UST: variants seen among roughly 807,000 people sequenced by gnomAD.
UST encodes uronyl 2-sulfotransferase, also known as chondroitin sulfate 2-O-sulfotransferase.
In UST, 21 loss-of-function variants were observed where a neutral mutation model predicts 45.6. The observed-to-expected ratio is 0.46, with a 90% CI of 0.33 to 0.66. The LOEUF (loss-of-function observed/expected upper bound fraction) is 0.66, where lower values mean the gene tolerates loss of function less well. Ranked by LOEUF, UST falls within the 30% of genes least tolerant of loss-of-function variation. The pLI, the probability that UST is intolerant of heterozygous loss-of-function variation, is 0.02. For missense variants in UST, 463 were observed against 512.4 expected, an observed-to-expected ratio of 0.90 and a Z score of 0.93; for synonymous variants, 215 against 200.6, an observed-to-expected ratio of 1.07 and a Z score of -0.61.
Position 148,998,377 on chromosome 6 carries a change from A to G in UST, c.682-20762A>G, listed in dbSNP as rs546533665. On this transcript the variant is annotated intron_variant, in intron 5 of 7. Transcript: ENST00000367463. ...GGTGAAATGAACAGATTTGAGGTGAATGATTCTTTTGTCTCCACCTCATAA... is the reference window on the plus strand; with the variant it reads ...GGTGAAATGAACAGATTTGAGGTGAGTGATTCTTTTGTCTCCACCTCATAA... Among the ~76,000 whole-genome samples the G allele has an allele frequency of 3.3e-5, 5 of 152,332 alleles. No individual in the cohort carries two copies. The South Asian group carries it at 1.0e-3, about 32-fold the overall frequency.
At chr6:148,976,763 T>G (rs563723485) in intron 5 of UST, among the ~76,000 whole-genome samples, 2 of 152,368 alleles carry the variant, frequency 1.3e-5, no homozygotes, top group South Asian at 2.1e-4. Context: ...TACAGAAATT[T>G]GCCCACTATT....
At chr6:148,992,060 T>C (rs534924354) in intron 5 of UST, among the ~76,000 whole-genome samples, 24 of 152,328 alleles carry the variant, frequency 1.6e-4, no homozygotes, top group African/African-American at 5.8e-4. Context: ...GTGGAACAGT[T>C]TGGTCCACCG....
At chr6:149,030,790 G>A (rs1052034253) in intron 7 of UST, among the ~76,000 whole-genome samples, 8 of 151,916 alleles carry the variant, frequency 5.3e-5, no homozygotes, top group African/African-American at 9.7e-5. Context: ...AAGCCAGTAC[G>A]AGGCAATACA....
rs1449671281 is a variant in UST at position 149,076,684 on chromosome 6, T to A, written c.*2568T>A. ...ATTTTACATAGTTTAATTTAAAAAA[T>A]ACCTTTTAAGCTAGTTGATCTTTGA... On this transcript the variant is annotated 3_prime_UTR_variant, in exon 8 of 8. Transcript: ENST00000367463. 1 of 152,662 alleles carries A rather than the reference T, an allele frequency of 6.6e-6. No homozygotes were observed. Among genetic ancestry groups the A allele is most frequent in the Admixed American group, 6.5e-5 (1 of 15,284 alleles). The allele number at this position is 152,662 out of a possible 1,614,324, so 9.5% of individuals were successfully genotyped here.
At chr6:148,782,653 G>A (rs1421194032) in intron 1 of UST, among the ~76,000 whole-genome samples, 1 of 151,956 alleles carries the variant, frequency 6.6e-6, no homozygotes, top group African/African-American at 2.4e-5. Context: ...GTTTCACCAT[G>A]TTGGTCAGGC....
chr6:148,815,704 G>C (rs1402254081), intron 1 of UST, among the ~76,000 whole-genome samples: 1 of 152,206 alleles, frequency 6.6e-6, no homozygotes, highest in Non-Finnish European at 1.5e-5. Context: ...AGAACAAATA[G>C]TGGTCTTGGT....
chr6:148,833,608 A>G (rs1193582023), intron 1 of UST, among the ~76,000 whole-genome samples: 1 of 152,228 alleles, frequency 6.6e-6, no homozygotes, highest in Non-Finnish European at 1.5e-5. Context: ...TCAAGATGAA[A>G]AGGATACCTT....
At chr6:148,864,438 C>T (rs138952914) in intron 1 of UST, among the ~76,000 whole-genome samples, 136 of 152,382 alleles carry the variant, frequency 8.9e-4, no homozygotes, top group African/African-American at 3.0e-3. Context: ...AATTCCCTGA[C>T]CCCTTGCACT....
In UST at chr6:148,748,319, T is replaced by C. The variant is rs1193137442; in HGVS notation, c.247+642T>C. Among the ~76,000 whole-genome samples the C allele has an allele frequency of 1.3e-5, 2 of 151,222 alleles. No homozygotes were observed. Among genetic ancestry groups the C allele is most frequent in the African/African-American group, 4.9e-5 (2 of 40,992 alleles). Reference sequence around the variant, plus strand: ...GGGGTTTGGGGATGCCCGAGGGCGCTGGTCAGCCTGGCCAGCAGTGTCGCC... The same window carrying C: ...GGGGTTTGGGGATGCCCGAGGGCGCCGGTCAGCCTGGCCAGCAGTGTCGCC... On this transcript the variant is annotated intron_variant, in intron 1 of 7. Transcript: ENST00000367463. The surrounding 1 kb of genome is among the most constrained non-coding windows in gnomAD (Gnocchi z 5.3).
intron 7 of UST, among the ~76,000 whole-genome samples, chr6:149,031,910 A>G (rs1390652031): frequency 6.6e-6 from 1 of 152,216 alleles, no homozygotes; most frequent in Non-Finnish European, 1.5e-5. Context: ...GGAGTTTGCC[A>G]AGTGGACGTG....
rs74925152 is a variant in UST, at chr6:148,867,017, G to A, written c.248-19969G>A. On this transcript the variant is annotated intron_variant, in intron 1 of 7. Transcript: ENST00000367463. The stretch of plus-strand genomic sequence containing the variant: ...GCTTCTCTAGTAAAACCTCAGCTGT[G>A]AAAGCAAGTATCTTTCACTTCTCCT... Among the ~76,000 whole-genome samples, 650 of 152,072 alleles carry A rather than the reference G, an allele frequency of 4.3e-3. 6 individuals are homozygous for A. Among genetic ancestry groups the A allele is most frequent in the African/African-American group, 0.015 (620 of 41,448 alleles).
intron 1 of UST, among the ~76,000 whole-genome samples, chr6:148,886,375 C>G (rs1012479183): frequency 2.0e-5 from 3 of 152,188 alleles, no homozygotes; most frequent in Admixed American, 1.3e-4. Flanking sequence ...AACTTTAATT[C>G]CCTTCCAAAT....
At chr6:148,818,087 T>G (rs754180992) in intron 1 of UST, among the ~76,000 whole-genome samples, 7 of 152,070 alleles carry the variant, frequency 4.6e-5, no homozygotes, top group Non-Finnish European at 7.4e-5. Flanking sequence ...TTAGAACAAA[T>G]AAGACCTTCA....
intron 1 of UST, among the ~76,000 whole-genome samples, chr6:148,860,328 T>C (rs1778286371): frequency 6.6e-6 from 1 of 152,216 alleles, no homozygotes; most frequent in African/African-American, 2.4e-5. Context: ...ATGCTTGTGA[T>C]TTTTGCACAT....
At chr6:148,754,209 G>C (rs1385650047) in intron 1 of UST, among the ~76,000 whole-genome samples, 1 of 152,042 alleles carries the variant, frequency 6.6e-6, no homozygotes, top group Non-Finnish European at 1.5e-5. Flanking sequence ...TGTTAGCCAG[G>C]ATGGTCTCGA....
chr6:149,071,042 A>G (rs1022278708), intron 7 of UST, among the ~76,000 whole-genome samples: 16 of 152,250 alleles, frequency 1.1e-4, no homozygotes, highest in African/African-American at 3.6e-4. Context: ...CTGGGATTAC[A>G]GGCATGAGCC....
intron 7 of UST, among the ~76,000 whole-genome samples, chr6:149,035,373 T>C (rs1582969826): frequency 1.3e-5 from 2 of 152,180 alleles, no homozygotes; most frequent in South Asian, 2.1e-4. Flanking sequence ...CTTTGTACTG[T>C]TTTGGTTGGT....
In UST at chr6:148,989,220, C is replaced by G. The variant is rs1331860637; in HGVS notation, c.681+24657C>G. The stretch of plus-strand genomic sequence containing the variant: ...TGACTTCAGTAAAGGCCCCCCCCCA[C>G]CCCCCGCAAATGAAAACCTTGATTA... On this transcript the variant is annotated intron_variant, in intron 5 of 7. Coordinates refer to ENST00000367463, the MANE Select transcript of UST (RefSeq NM_005715.3). 2.1e-4 allele frequency among the ~76,000 whole-genome samples: 11 copies of G among 53,032 alleles called. No homozygotes were observed. The East Asian group carries it at 4.9e-3, about 24-fold the overall frequency. 34.8% of individuals were successfully genotyped at this position (53,032 alleles called of 152,430 possible). A position where few individuals can be genotyped will look rare whatever the true frequency, so the allele number is the denominator to read the frequency against.
chr6:148,990,613 C>G (rs1693115555), intron 5 of UST, among the ~76,000 whole-genome samples: 1 of 152,026 alleles, frequency 6.6e-6, no homozygotes, highest in South Asian at 2.1e-4. Flanking sequence ...AGTCATTTGC[C>G]TTTTCTCTGT....
Sources: allele counts gnomAD v4.1 joint callset (sites outside exome capture counted in the v4.1 genomes callset), GRCh38; gene constraint gnomAD v4.1.1; non-coding constraint Gnocchi (gnomAD v3.1); transcripts MANE v1.5; gene names NCBI Gene and HGNC (gene_info 2026-07-23, HGNC 2026-07-21).